BRINP1: variants seen among roughly 807,000 people sequenced by gnomAD.
The protein encoded by BRINP1 is BMP/retinoic acid-inducible neural-specific protein 1.
Under a neutral mutation model 72.9 loss-of-function variants are expected in BRINP1, and 17 were observed. The ratio of observed to expected loss-of-function variants is 0.23; its 90% CI spans 0.16 to 0.35. BRINP1 has a LOEUF of 0.35. Among genes scored for constraint, BRINP1 ranks in the 10% least tolerant of loss-of-function variants. The probability of loss-of-function intolerance (pLI) is 1.00; values close to 1 mark genes in which losing one functional copy is unlikely to be tolerated. For missense variants in BRINP1, 850 were observed against 1,001.6 expected (o/e 0.85, Z 2.04); for synonymous variants, 418 against 378.5 (o/e 1.10, Z -1.21).
intron 6 of BRINP1, among the ~76,000 whole-genome samples, chr9:119,212,742 C>G (rs1829942373): frequency 6.6e-6 from 1 of 152,112 alleles, no homozygotes; most frequent in Non-Finnish European, 1.5e-5. Flanking sequence ...TGTTAAGTAC[C>G]TGCTTGGCAT....
intron 1 of BRINP1, among the ~76,000 whole-genome samples, chr9:119,363,863 G>T (rs539586946): frequency 6.6e-6 from 1 of 152,162 alleles, no homozygotes; most frequent in Non-Finnish European, 1.5e-5. Flanking sequence ...ATCATACATG[G>T]TTAGTGGCTA....
chr9:119,349,588 C>T (rs1281527000), intron 1 of BRINP1, among the ~76,000 whole-genome samples: 1 of 152,114 alleles, frequency 6.6e-6, no homozygotes, highest in Non-Finnish European at 1.5e-5. Flanking sequence ...GAACTGGGAA[C>T]CCGGGGTTGG....
rs2274157 is a variant in BRINP1 at position 119,238,722 on chromosome 9, G to A, written c.618C>T (p.Ser206=). The A allele has an allele frequency of 0.42, 679,678 of 1,608,568 alleles. 149,083 individuals carry two copies. The highest frequency in any genetic ancestry group is 0.65 in the East Asian group (28,974 of 44,476). ...ETRTGPLGCN[S]YDNLDSVSSV... ...AACTCACAGAGTCCAGATTGTCATA[G>A]CTGTTACAGCCCAGAGGCCCAGTGC... Residue 206 remains serine (S), a synonymous_variant, in exon 5 of 8, where the codon AGC becomes AGT. Transcript: ENST00000265922.
At chr9:119,192,183 G>T (rs1051631374) in intron 7 of BRINP1, among the ~76,000 whole-genome samples, 1 of 151,772 alleles carries the variant, frequency 6.6e-6, no homozygotes. Flanking sequence ...GCTCCTCAAC[G>T]TTGGCCTTAG....
chr9:119,169,097 A>T (rs961082325), intron 7 of BRINP1, among the ~76,000 whole-genome samples: 3 of 152,218 alleles, frequency 2.0e-5, no homozygotes, highest in Admixed American at 2.0e-4. Context: ...CATCAATGAT[A>T]GACTGGATAA....
At chr9:119,183,523 C>T (rs1470935091) in intron 7 of BRINP1, among the ~76,000 whole-genome samples, 1 of 152,032 alleles carries the variant, frequency 6.6e-6, no homozygotes, top group South Asian at 2.1e-4. Flanking sequence ...ACAGAGAATG[C>T]CTTAGTTTTT....
At chr9:119,207,389 GTAATGGCAAAACTTAAAAAA>G (rs1829869928) in intron 7 of BRINP1, among the ~76,000 whole-genome samples, 1 of 152,120 alleles carries the variant, frequency 6.6e-6, no homozygotes, top group Non-Finnish European at 1.5e-5. Context: ...TTACTTAAAA[GTAATGGCAAAACTTAAAAAA>G]TAATGGCAAA....
chr9:119,182,646 C>CTTA (rs1272278599), intron 7 of BRINP1, among the ~76,000 whole-genome samples: 1 of 152,202 alleles, frequency 6.6e-6, no homozygotes, highest in African/African-American at 2.4e-5. Flanking sequence ...AGAAGGTGAA[C>CTTA]CCAAAAGCCC....
chr9:119,313,088 A>G, intron 2 of BRINP1, 50 bp downstream of exon 2: 1 of 1,578,586 alleles, frequency 6.3e-7, no homozygotes, highest in Non-Finnish European at 8.6e-7. Flanking sequence ...GCCTGACTCC[A>G]CAAAGCATAA....
rs149477448 is a variant in BRINP1, at chr9:119,342,849, G to C, written c.-51+26207C>G. Among the ~76,000 whole-genome samples, 470 of 152,322 alleles carry C rather than the reference G, an allele frequency of 3.1e-3. 4 individuals are homozygous for C. Among genetic ancestry groups the C allele is most frequent in the African/African-American group, 8.3e-3 (346 of 41,578 alleles). On this transcript the variant is annotated intron_variant, in intron 1 of 7. Transcript: ENST00000265922. ...AGAGCATCAAGCAAGCAATATGCTA[G>C]AGAAGTTAAGCACAGGCTCTGGAAC...
intron 1 of BRINP1, among the ~76,000 whole-genome samples, chr9:119,334,523 AG>A (rs1205143726): frequency 6.6e-6 from 1 of 152,182 alleles, no homozygotes; most frequent in Admixed American, 6.5e-5. Flanking sequence ...AGGATAAACT[AG>A]AGCATGCCAT....
In BRINP1 at chr9:119,166,977, T is replaced by G; in HGVS notation, c.*107A>C. The G allele has an allele frequency of 8.3e-7, 1 of 1,205,832 alleles. No homozygotes were observed. The highest frequency in any genetic ancestry group is 2.4e-5 in the East Asian group (1 of 42,268). 74.7% of individuals were successfully genotyped at this position (1,205,832 alleles called of 1,614,324 possible). The stretch of plus-strand genomic sequence containing the variant: ...GATTTTCCTCCTTTTCTTTGAATAT[T>G]AATTACATTTTACAAATTTTTGTGG... On this transcript the variant is annotated 3_prime_UTR_variant, in exon 8 of 8. Coordinates refer to ENST00000265922, the MANE Select transcript of BRINP1 (RefSeq NM_014618.3).
intron 1 of BRINP1, among the ~76,000 whole-genome samples, chr9:119,344,968 G>A (rs750604644): frequency 5.3e-5 from 8 of 152,116 alleles, no homozygotes; most frequent in African/African-American, 9.7e-5. Context: ...TTCTCTGCAC[G>A]AAGACAAATA....
chr9:119,318,094 T>C (rs536504481), intron 1 of BRINP1, among the ~76,000 whole-genome samples: 2 of 152,328 alleles, frequency 1.3e-5, no homozygotes, highest in East Asian at 1.9e-4. Flanking sequence ...GTCTTGTTCA[T>C]TGGGCTGTAA....
chr9:119,315,732 G>A (rs1451216099), intron 1 of BRINP1, among the ~76,000 whole-genome samples: 1 of 152,200 alleles, frequency 6.6e-6, no homozygotes, highest in African/African-American at 2.4e-5. Context: ...AATTAAATGT[G>A]CTGTTCCAGT....
At chr9:119,306,174 T>C (rs1202663278) in intron 2 of BRINP1, among the ~76,000 whole-genome samples, 1 of 152,234 alleles carries the variant, frequency 6.6e-6, no homozygotes, top group African/African-American at 2.4e-5. Flanking sequence ...TAGCTGACTA[T>C]GGTTTGTAAC....
chr9:119,211,165 TTTATTTATTTATTTATTTA>T (rs1232220617), intron 6 of BRINP1, among the ~76,000 whole-genome samples: 9 of 30,316 alleles, frequency 3.0e-4, no homozygotes, highest in African/African-American at 1.2e-3. Context: ...ATACATTAAC[TTTATTTATTTATTTATTTA>T]TTTATTTATT....
chr9:119,333,462 C>CAA (rs544546221), intron 1 of BRINP1, among the ~76,000 whole-genome samples: 34 of 67,844 alleles, frequency 5.0e-4, no homozygotes, highest in Non-Finnish European at 7.6e-4. Context: ...GACCTTGTTT[C>CAA]AAAAAAAAAA....
At chr9:119,356,819 C>A (rs1456025817) in intron 1 of BRINP1, among the ~76,000 whole-genome samples, 68 of 141,112 alleles carry the variant, frequency 4.8e-4, no homozygotes, top group African/African-American at 6.0e-4. Context: ...AAAAAAAAAA[C>A]AAAAGTTTGT....
Sources: allele counts gnomAD v4.1 joint callset (sites outside exome capture counted in the v4.1 genomes callset), GRCh38; gene constraint gnomAD v4.1.1; transcripts MANE v1.5; gene names NCBI Gene and HGNC (gene_info 2026-07-23, HGNC 2026-07-21).